The following HHIPL2 variants were observed in gnomAD, a reference collection of about 807,000 sequenced individuals.
HHIPL2 encodes the protein HHIP like 2, also known as HHIP-like protein 2.
HHIPL2 carries 61 observed loss-of-function variants against 61.0 expected under a neutral mutation model. That is an observed-to-expected ratio of 1.00 (90% CI 0.81 to 1.24). The LOEUF (loss-of-function observed/expected upper bound fraction) is 1.24. Among genes scored for constraint, HHIPL2 ranks in the 50% most tolerant of loss-of-function variants. HHIPL2 has a pLI of 0.00. For missense variants in HHIPL2, 885 were observed against 910.2 expected (o/e 0.97, Z 0.36); for synonymous variants, 343 against 357.4 (o/e 0.96, Z 0.45).
rs1400523053 is a variant in HHIPL2, at chr1:222,522,805, G to A, written c.1971C>T (p.Ala657=). The A allele has an allele frequency of 1.2e-6, 2 of 1,614,144 alleles. No individual in the cohort carries two copies. Among genetic ancestry groups the A allele is most frequent in the African/African-American group, 2.7e-5 (2 of 75,022 alleles). Residue 657 remains alanine (A), a synonymous_variant, in exon 9 of 9, where the codon GCC becomes GCT. Coordinates refer to ENST00000343410, the MANE Select transcript of HHIPL2 (RefSeq NM_024746.4). ...SSSATLASGP[A]QGLSEKGSSK... ...AGGAGCCTTTCTCAGACAAACCCTG[G>A]GCTGGGCCAGAAGCTAAGGTTGCAC...
intron 1 of HHIPL2, 43 bp from the exon 2 acceptor site, chr1:222,544,232 A>C: frequency 6.4e-7 from 1 of 1,558,624 alleles, no homozygotes; most frequent in Non-Finnish European, 8.7e-7. Flanking sequence ...CAGACCTGCC[A>C]CACCGGCACT....
In HHIPL2 at chr1:222,543,725, C is replaced by T. The variant is rs1477552730; in HGVS notation, c.786G>A (p.Val262=). 3 of 1,614,194 alleles carry T rather than the reference C, an allele frequency of 1.9e-6. No homozygotes were observed. Among genetic ancestry groups the T allele is most frequent in the Non-Finnish European group, 2.5e-6 (3 of 1,180,044 alleles). Residue 262 remains valine (V), a synonymous_variant, in exon 2 of 9, where the codon GTG becomes GTA. Coordinates refer to ENST00000343410, the MANE Select transcript of HHIPL2 (RefSeq NM_024746.4). ...CATCCCCGATCCATGGGGTGGTCAA[C>T]ACGATGTTCTTGAGGTCCAGGAAGG... ...EQPFLDLKNI[V]LTTPWIGDER... is the part of the protein sequence containing the mutation.
intron 5 of HHIPL2, among the ~76,000 whole-genome samples, chr1:222,533,767 C>T (rs1292045962): frequency 6.6e-6 from 1 of 152,068 alleles, no homozygotes. Context: ...TGAGAGTTTC[C>T]AGCACAGGGA....
Position 222,540,253 on chromosome 1 carries a change from AT to A in HHIPL2, c.1206del (p.Phe403LeufsTer55), listed in dbSNP as rs1385901456. On this transcript the variant is annotated frameshift_variant, in exon 4 of 9. Transcript: ENST00000343410. LOFTEE classifies it high-confidence loss of function. ...GGGTGGGCCCCTGGCTCAGAAACAA[AT>A]GGATTGTCCGAGGGGACTCGGTACC... ...GKRYRVPSDNPFVSEPGAHPA... is the reference protein window; with the variant it reads ...GKRYRVPSDNXFVSEPGAHPA... 6.2e-7 allele frequency: 1 copy of A among 1,614,246 alleles called. No homozygotes were observed. The highest frequency in any genetic ancestry group is 1.7e-5 in the Admixed American group (1 of 60,034).
chr1:222,523,007 C>T, intron 8 of HHIPL2, 120 bp from the exon 9 acceptor site: 1 of 817,866 alleles, frequency 1.2e-6, no homozygotes, highest in South Asian at 2.3e-5. Context: ...TTTTAATTCT[C>T]TAACTGGCCT....
At chr1:222,525,822 A>T (rs1286651281) in intron 7 of HHIPL2, among the ~76,000 whole-genome samples, 1 of 151,872 alleles carries the variant, frequency 6.6e-6, no homozygotes, top group African/African-American at 2.4e-5. Flanking sequence ...AACATGGCAA[A>T]ACCCCGTCTC....
chr1:222,534,476 C>T (rs1168833244), intron 5 of HHIPL2, among the ~76,000 whole-genome samples: 1 of 151,528 alleles, frequency 6.6e-6, no homozygotes, highest in East Asian at 1.9e-4. Flanking sequence ...ACTCAGGAGG[C>T]TGAGGCAGGA....
At chr1:222,547,110 A>T (rs943785331) in intron 1 of HHIPL2, among the ~76,000 whole-genome samples, 3 of 152,226 alleles carry the variant, frequency 2.0e-5, no homozygotes, top group Non-Finnish European at 4.4e-5. Flanking sequence ...CCTCCCAGGC[A>T]TGTGGATTTT....
chr1:222,548,063 C>CTA lies in HHIPL2; in HGVS notation c.-20_-19insTA, dbSNP rs775961280. On this transcript the variant is annotated 5_prime_UTR_variant, in exon 1 of 9. Transcript: ENST00000343410. The stretch of plus-strand genomic sequence containing the variant: ...TCAGCATTTTGGCCTTGGGAACACT[C>CTA]GGGCTGCTGTGTTTGCTCAGGTTGG... 6.6e-7 allele frequency: 1 copy of CTA among 1,526,364 alleles called. No individual in the cohort carries two copies. Among genetic ancestry groups the CTA allele is most frequent in the East Asian group, 2.3e-5 (1 of 43,934 alleles). The allele number at this position is 1,526,364 out of a possible 1,614,324, so 94.6% of individuals were successfully genotyped here. A position where few individuals can be genotyped will look rare whatever the true frequency, so the allele number is the denominator to read the frequency against.
chr1:222,525,282 CCAAGG>C (rs1362757855), intron 7 of HHIPL2: 1 of 152,154 alleles, frequency 6.6e-6, no homozygotes, highest in Non-Finnish European at 1.5e-5. Flanking sequence ...GAACTCCCCA[CCAAGG>C]CATCGTCAAC....
Position 222,547,798 on chromosome 1 carries a change from A to T in HHIPL2, c.247T>A (p.Trp83Arg). The T allele has an allele frequency of 6.2e-7, 1 of 1,614,194 alleles. No individual in the cohort carries two copies. ...HKDRRIAARY[W>R]DIMEYFDLKR... Reference sequence around the variant, plus strand: ...AGATCAAAATATTCCATGATGTCCCAGTACCGGGCAGCGATGCGGCGGTCC... The same window carrying T: ...AGATCAAAATATTCCATGATGTCCCTGTACCGGGCAGCGATGCGGCGGTCC... Residue 83 changes from tryptophan (W) to arginine (R), a missense_variant, in exon 1 of 9, where the codon TGG becomes AGG. By Grantham distance (101) the Trp-to-Arg change is moderately radical. Transcript: ENST00000343410.
chr1:222,528,010 C>T (rs569434167), intron 6 of HHIPL2, among the ~76,000 whole-genome samples: 18 of 152,282 alleles, frequency 1.2e-4, no homozygotes, highest in Non-Finnish European at 2.5e-4. Flanking sequence ...GACTAATACA[C>T]TCTTAGAAAG....
chr1:222,528,743 A>G (rs2102611358), intron 6 of HHIPL2, among the ~76,000 whole-genome samples: 1 of 152,182 alleles, frequency 6.6e-6, no homozygotes, highest in African/African-American at 2.4e-5. Flanking sequence ...TCTCAATTTT[A>G]TGAAAGAAAA....
intron 6 of HHIPL2, among the ~76,000 whole-genome samples, chr1:222,529,144 A>T (rs1371509203): frequency 6.6e-6 from 1 of 152,164 alleles, no homozygotes; most frequent in Non-Finnish European, 1.5e-5. Context: ...CTTTTTGTGG[A>T]GAACAGAGAC....
At position 222,547,756 on chromosome 1, in the gene HHIPL2, A is replaced by C. The variant is rs773958905; in HGVS notation, c.289T>G (p.Cys97Gly). ...EYFDLKRHEL[C>G]GDYIKDILCQ... Reference sequence around the variant, plus strand: ...AGGATGTCTTTAATGTAATCTCCACACAGCTCATGTCTCTTCAGATCAAAA... The same window carrying C: ...AGGATGTCTTTAATGTAATCTCCACCCAGCTCATGTCTCTTCAGATCAAAA... Residue 97 changes from cysteine (C) to glycine (G), a missense_variant, in exon 1 of 9, where the codon TGT becomes GGT. Cys to Gly is a radical substitution (Grantham distance 159). Transcript: ENST00000343410. 3.3e-5 allele frequency: 53 copies of C among 1,613,950 alleles called. No homozygotes were observed. In the East Asian group the frequency reaches 1.2e-3, roughly 35 times the overall value.
At chr1:222,546,835 G>C (rs117604250) in intron 1 of HHIPL2, among the ~76,000 whole-genome samples, 1 of 152,338 alleles carries the variant, frequency 6.6e-6, no homozygotes, top group East Asian at 1.9e-4. Flanking sequence ...CTCAGGAACA[G>C]TGGCGCCAGG....
chr1:222,523,859 G>A (rs921454827), intron 7 of HHIPL2, among the ~76,000 whole-genome samples, 165 bp from the exon 8 acceptor site: 1 of 152,132 alleles, frequency 6.6e-6, no homozygotes, highest in African/African-American at 2.4e-5. Flanking sequence ...CAGAAGGTGA[G>A]GTAAAAGGGC....
At chr1:222,540,845 G>C (rs541128425) in intron 3 of HHIPL2, among the ~76,000 whole-genome samples, 2 of 152,346 alleles carry the variant, frequency 1.3e-5, no homozygotes, top group East Asian at 3.9e-4. Context: ...AGTAACTGAT[G>C]GCCTTGTGCC....
chr1:222,532,145 C>A (rs1187926695), intron 5 of HHIPL2, 34 bp from the exon 6 acceptor site: 1 of 1,585,940 alleles, frequency 6.3e-7, no homozygotes, highest in South Asian at 1.1e-5. Context: ...GTTTAGGAAT[C>A]CATATATCCA....
Sources: gnomAD v4.1 joint callset for allele counts (sites outside exome capture counted in the v4.1 genomes callset) on GRCh38, gnomAD v4.1.1 for gene constraint, MANE v1.5 for transcripts, NCBI Gene and HGNC (gene_info 2026-07-23, HGNC 2026-07-21) for gene names.